The following ASTN2 variants were observed in gnomAD, a reference collection of about 807,000 sequenced individuals.
ASTN2 encodes the protein astrotactin-2.
Under a neutral mutation model 139.8 loss-of-function variants are expected in ASTN2, and 54 were observed. The ratio of observed to expected loss-of-function variants is 0.39; its 90% CI spans 0.31 to 0.48. The LOEUF is 0.48. Among genes scored for constraint, ASTN2 ranks in the 20% least tolerant of loss-of-function variants. The pLI is 0.95. For missense variants in ASTN2, 1,565 were observed against 1,725.1 expected (o/e 0.91, Z 1.64); for synonymous variants, 756 against 719.5 (o/e 1.05, Z -0.81).
At chr9:116,785,118 C>G (rs554046582) in intron 13 of ASTN2, among the ~76,000 whole-genome samples, 10 of 152,224 alleles carry the variant, frequency 6.6e-5, no homozygotes, top group Admixed American at 5.9e-4. Context: ...AAAAGGTTGA[C>G]AGCTCCTCTA....
chr9:117,062,013 C>T lies in ASTN2; in HGVS notation c.1277-22048G>A, dbSNP rs527358912. 6.6e-5 allele frequency among the ~76,000 whole-genome samples: 10 copies of T among 152,300 alleles called. No individual in the cohort carries two copies. The South Asian group carries it at 2.1e-3, about 32-fold the overall frequency. On this transcript the variant is annotated intron_variant, in intron 5 of 22. Transcript: ENST00000313400. Reference sequence around the variant, plus strand: ...GTGCTCAAGGAAACTGAGTTACCTGCCCAAGGCCATATAGCTGGTAAGTGG... The same window carrying T: ...GTGCTCAAGGAAACTGAGTTACCTGTCCAAGGCCATATAGCTGGTAAGTGG...
chr9:117,401,030 T>C (rs1054234360), intron 1 of ASTN2, among the ~76,000 whole-genome samples: 1 of 152,184 alleles, frequency 6.6e-6, no homozygotes, highest in African/African-American at 2.4e-5. Flanking sequence ...TATTTACTTT[T>C]GTTTATTTAA....
chr9:116,508,337 G>A (rs1288753040), intron 19 of ASTN2, among the ~76,000 whole-genome samples: 1 of 152,168 alleles, frequency 6.6e-6, no homozygotes, highest in Non-Finnish European at 1.5e-5. Flanking sequence ...GTGGCGTCAA[G>A]GTCAACATTG....
chr9:116,896,819 G>A (rs1833891043), intron 10 of ASTN2, among the ~76,000 whole-genome samples: 2 of 152,158 alleles, frequency 1.3e-5, no homozygotes, highest in Non-Finnish European at 2.9e-5. Context: ...ACCATCATGA[G>A]AACAGCATGG....
At position 117,266,666 on chromosome 9, in the gene ASTN2, CTCCT is replaced by C. The variant is rs1022200844; in HGVS notation, c.630+24656_630+24659del. Among the ~76,000 whole-genome samples, 10 of 152,280 alleles carry C rather than the reference CTCCT, an allele frequency of 6.6e-5. No individual in the cohort carries two copies. The South Asian group carries it at 1.7e-3, about 25-fold the overall frequency. ...TGCCTTTAATAAGTGTGCATTTTTTCTCCTTCCTTTCATATTTTTTGTAATTATT... is the reference window on the plus strand; with the variant it reads ...TGCCTTTAATAAGTGTGCATTTTTTCTCCTTTCATATTTTTTGTAATTATT... On this transcript the variant is annotated intron_variant, in intron 2 of 22. Transcript: ENST00000313400.
At chr9:116,509,152 TC>T (rs1221494417) in intron 19 of ASTN2, among the ~76,000 whole-genome samples, 2 of 152,068 alleles carry the variant, frequency 1.3e-5, no homozygotes, top group Non-Finnish European at 2.9e-5. Context: ...ATGCTATCAC[TC>T]CCCCTTCCCC....
intron 11 of ASTN2, among the ~76,000 whole-genome samples, chr9:116,847,301 A>G (rs944169679): frequency 2.0e-5 from 3 of 152,096 alleles, no homozygotes; most frequent in Non-Finnish European, 4.4e-5. Context: ...TTTTTAGTAG[A>G]GACGGCGTTT....
chr9:116,442,195 A>T lies in ASTN2; in HGVS notation c.3598+258T>A, dbSNP rs117683927. ...CTACCATTTGTGGCCTGTAAGTCAG[A>T]ACACAGATCAACTCTCTAAAAGAGG... On this transcript the variant is annotated intron_variant, in intron 21 of 22. Transcript: ENST00000313400. 3.8e-3 allele frequency among the ~76,000 whole-genome samples: 576 copies of T among 152,300 alleles called. 1 individual carries two copies. The highest frequency in any genetic ancestry group is 5.9e-3 in the Non-Finnish European group (403 of 68,020).
intron 10 of ASTN2, among the ~76,000 whole-genome samples, chr9:116,897,436 C>G (rs1347132500): frequency 1.3e-5 from 2 of 152,182 alleles, no homozygotes; most frequent in South Asian, 2.1e-4. Context: ...GCTTCTCACA[C>G]AGATAAAAAT....
At chr9:117,163,587 A>G (rs1830601749) in intron 3 of ASTN2, among the ~76,000 whole-genome samples, 1 of 152,106 alleles carries the variant, frequency 6.6e-6, no homozygotes, top group Non-Finnish European at 1.5e-5. Flanking sequence ...CTTTTAAATA[A>G]ATCATCACAA....
rs528325225 is a variant in ASTN2 at position 116,817,099 on chromosome 9, T to C, written c.2207+3518A>G. ...CATGAGGTCAGGAGATCGAGACCAT[T>C]CTAGCTAACACGCTGAAACCCCATC... On this transcript the variant is annotated intron_variant, in intron 12 of 22. Transcript: ENST00000313400. 5.8e-3 allele frequency among the ~76,000 whole-genome samples: 878 copies of C among 151,758 alleles called. 2 individuals are homozygous for C. Among genetic ancestry groups the C allele is most frequent in the Non-Finnish European group, 0.01 (692 of 67,888 alleles).
At chr9:117,186,242 T>C (rs1018977195) in intron 3 of ASTN2, among the ~76,000 whole-genome samples, 1 of 152,228 alleles carries the variant, frequency 6.6e-6, no homozygotes, top group Non-Finnish European at 1.5e-5. Context: ...ATATTACTCC[T>C]ATTTCTACTA....
intron 10 of ASTN2, among the ~76,000 whole-genome samples, chr9:116,867,942 C>G (rs1027726692): frequency 2.6e-5 from 4 of 152,154 alleles, no homozygotes; most frequent in African/African-American, 9.7e-5. Context: ...GGGCTCAATC[C>G]TTCATCTCAC....
intron 5 of ASTN2, among the ~76,000 whole-genome samples, chr9:117,073,382 A>G (rs1469788404): frequency 3.3e-5 from 5 of 152,094 alleles, no homozygotes; most frequent in South Asian, 4.1e-4. Context: ...TTGCAATATC[A>G]TCTATTTCAG....
chr9:117,361,352 G>A (rs898276749), intron 1 of ASTN2, among the ~76,000 whole-genome samples: 3 of 152,134 alleles, frequency 2.0e-5, no homozygotes, highest in African/African-American at 4.8e-5. Flanking sequence ...GCATGGGGTC[G>A]TGTAGGGCCG....
intron 10 of ASTN2, among the ~76,000 whole-genome samples, chr9:116,964,236 TGTGTGTGTGTGTGTGTGTGTGC>T (rs1835945995): frequency 7.5e-6 from 1 of 133,184 alleles, no homozygotes. Context: ...TGTGTGTGTG[TGTGTGTGTGTGTGTGTGTGTGC>T]GCGCGCGCGC....
At chr9:117,130,811 A>T (rs1372101900) in intron 4 of ASTN2, among the ~76,000 whole-genome samples, 1 of 152,200 alleles carries the variant, frequency 6.6e-6, no homozygotes, top group Non-Finnish European at 1.5e-5. Flanking sequence ...AAAATATTGA[A>T]GCCCAATATA....
chr9:117,292,823 A>G (rs1011369323), intron 1 of ASTN2, among the ~76,000 whole-genome samples: 2 of 152,158 alleles, frequency 1.3e-5, no homozygotes, highest in African/African-American at 4.8e-5. Flanking sequence ...ACACGGAATG[A>G]AAAAGAATCA....
intron 4 of ASTN2, among the ~76,000 whole-genome samples, chr9:117,105,525 C>G (rs1013006569): frequency 6.6e-6 from 1 of 152,184 alleles, no homozygotes; most frequent in African/African-American, 2.4e-5. Context: ...CCTTGTGGAA[C>G]TGAGATAATT....
Sources: allele counts gnomAD v4.1 joint callset (sites outside exome capture counted in the v4.1 genomes callset), GRCh38; gene constraint gnomAD v4.1.1; transcripts MANE v1.5; gene names NCBI Gene and HGNC (gene_info 2026-07-23, HGNC 2026-07-21).